Variants in NHSL2 observed in about 807,000 individuals in gnomAD.
NHSL2 encodes NHS like 2.
NHSL2 carries 27 observed loss-of-function variants against 53.4 expected under a neutral mutation model. The observed-to-expected ratio is 0.51, with a 90% confidence interval of 0.37 to 0.70. The LOEUF (loss-of-function observed/expected upper bound fraction) is 0.70. NHSL2 is among the 30% of genes least tolerant of loss of function. The pLI is 0.00. For synonymous variants in NHSL2, 408 were observed against 404.1 expected (o/e 1.01, Z -0.12); for missense variants, 892 against 980.1 (o/e 0.91, Z 1.20).
At chrX:72,020,185 G>A (rs754883037) in intron 1 of NHSL2, among the ~76,000 whole-genome samples, 3 of 112,574 alleles carry the variant, frequency 2.7e-5, no homozygotes, top group East Asian at 5.6e-4. Flanking sequence ...AAAACTCTCC[G>A]TAATTTCACT....
chrX:72,143,251 A>G lies in NHSL2; in HGVS notation c.3357-2A>G. The G allele has an allele frequency of 8.7e-7, 1 of 1,145,413 alleles. No homozygotes were observed. The highest frequency in any genetic ancestry group is 1.2e-6 in the Non-Finnish European group (1 of 860,610). 94.4% of individuals were successfully genotyped at this position (1,145,413 alleles called of 1,213,427 possible). A position where few individuals can be genotyped will look rare whatever the true frequency, so the allele number is the denominator to read the frequency against. ...ACTCAGACCAAACTTTCTCTTATCT[A>G]GGTCCAAAAGGAAGCTGCTCGGCTG... On this transcript the variant is annotated splice_acceptor_variant, in intron 7 of 7. Coordinates refer to ENST00000633930, the MANE Select transcript of NHSL2 (RefSeq NM_001013627.3). LOFTEE classifies it high-confidence loss of function.
chrX:72,073,907 G>A (rs2041720416), intron 1 of NHSL2, among the ~76,000 whole-genome samples: 1 of 112,557 alleles, frequency 8.9e-6, no homozygotes, highest in Admixed American at 9.4e-5. Flanking sequence ...GGGCTGCAAT[G>A]CCCAGCCTTG....
chrX:71,919,855 C>A (rs960350153), intron 1 of NHSL2, among the ~76,000 whole-genome samples: 5 of 112,623 alleles, frequency 4.4e-5, no homozygotes, highest in Non-Finnish European at 9.4e-5. Context: ...AGGATGGATG[C>A]AAGCCGCATA....
chrX:72,068,336 C>T (rs1262791352), intron 1 of NHSL2, among the ~76,000 whole-genome samples: 3 of 112,475 alleles, frequency 2.7e-5, no homozygotes, highest in Non-Finnish European at 5.6e-5. Context: ...TGGCACAGTG[C>T]CCCAAGTCTT....
intron 1 of NHSL2, among the ~76,000 whole-genome samples, chrX:72,003,614 T>C (rs2042081376): frequency 8.9e-6 from 1 of 111,860 alleles, no homozygotes; most frequent in Non-Finnish European, 1.9e-5. Context: ...TGATGTTGCG[T>C]GGGGCCTGGC....
chrX:71,917,083 A>G (rs1602257552), intron 1 of NHSL2, among the ~76,000 whole-genome samples: 2 of 112,366 alleles, frequency 1.8e-5, no homozygotes, highest in African/African-American at 6.5e-5. Context: ...CAATCTTAAC[A>G]GTCAAGACTA....
chrX:72,019,595 G>A (rs1198257088), intron 1 of NHSL2, among the ~76,000 whole-genome samples: 1 of 112,050 alleles, frequency 8.9e-6, no homozygotes, highest in Non-Finnish European at 1.9e-5. Flanking sequence ...TGTTCTGTGA[G>A]CACAGCAGAG....
At position 72,143,809 on chromosome X, in the gene NHSL2, G is replaced by A. The variant is rs942589845; in HGVS notation, c.*235G>A. On this transcript the variant is annotated 3_prime_UTR_variant, in exon 8 of 8. Coordinates refer to ENST00000633930, the MANE Select transcript of NHSL2 (RefSeq NM_001013627.3). ...TATAAGCTTGTCATGACTGACTACC[G>A]AGTTTCTTCTTATTTTCCCCCAGTG... The A allele has an allele frequency of 1.1e-5, 3 of 278,284 alleles. No individual in the cohort carries two copies. Among genetic ancestry groups the A allele is most frequent in the Non-Finnish European group, 1.9e-5 (3 of 159,189 alleles). 22.9% of individuals were successfully genotyped at this position (278,284 alleles called of 1,213,427 possible). A position where few individuals can be genotyped will look rare whatever the true frequency, so the allele number is the denominator to read the frequency against.
At chrX:72,071,134 G>A (rs964373265) in intron 1 of NHSL2, among the ~76,000 whole-genome samples, 8 of 111,263 alleles carry the variant, frequency 7.2e-5, no homozygotes, top group African/African-American at 2.6e-4. Flanking sequence ...TCTGGAGCCC[G>A]CCTGTCAGAG....
chrX:72,037,436 A>T (rs970120185), intron 1 of NHSL2, among the ~76,000 whole-genome samples: 13 of 110,976 alleles, frequency 1.2e-4, no homozygotes, highest in Non-Finnish European at 2.3e-4. Flanking sequence ...AAAAAAAGAA[A>T]AAAAAACATG....
chrX:72,147,059 G>A lies in NHSL2; in HGVS notation c.*3485G>A, dbSNP rs924863354. The A allele has an allele frequency of 1.8e-5, 2 of 112,436 alleles. No individual in the cohort carries two copies. The highest frequency in any genetic ancestry group is 3.8e-5 in the Non-Finnish European group (2 of 53,300). 9.3% of individuals were successfully genotyped at this position (112,436 alleles called of 1,213,427 possible). A position where few individuals can be genotyped will look rare whatever the true frequency, so the allele number is the denominator to read the frequency against. On this transcript the variant is annotated 3_prime_UTR_variant, in exon 8 of 8. Transcript: ENST00000633930. ...TAACAAGCACTGCACCTGACATCCA[G>A]TGTAACTATCTGGACAACACAGACC...
chrX:71,996,938 C>T (rs930516037), intron 1 of NHSL2, among the ~76,000 whole-genome samples: 14 of 112,548 alleles, frequency 1.2e-4, no homozygotes, highest in African/African-American at 3.9e-4. Context: ...TCTTGCCCTG[C>T]CAGGAATGTG....
chrX:72,072,376 G>A (rs1190145342), intron 1 of NHSL2, among the ~76,000 whole-genome samples: 1 of 111,997 alleles, frequency 8.9e-6, no homozygotes, highest in Non-Finnish European at 1.9e-5. Context: ...ACCAATGCCT[G>A]AGGCTTGAGA....
chrX:71,921,990 G>T (rs1044723205), intron 1 of NHSL2, among the ~76,000 whole-genome samples: 4 of 112,339 alleles, frequency 3.6e-5, no homozygotes, highest in Non-Finnish European at 7.5e-5. Flanking sequence ...GTAAAGGATT[G>T]TGTGTTCAAA....
At chrX:71,938,926 G>T (rs747654968) in intron 1 of NHSL2, among the ~76,000 whole-genome samples, 1 of 112,765 alleles carries the variant, frequency 8.9e-6, no homozygotes, top group African/African-American at 3.2e-5. Context: ...CGTAAGGTGC[G>T]GAGATGAGCA....
chrX:72,082,568 C>A (rs1569478466), intron 1 of NHSL2, among the ~76,000 whole-genome samples: 1 of 111,907 alleles, frequency 8.9e-6, no homozygotes, highest in Non-Finnish European at 1.9e-5. Flanking sequence ...AAATGACTTA[C>A]CTTAAGTCAT....
rs976830125 is a variant in NHSL2, at chrX:71,990,699, A to G, written c.280+79332A>G. Among the ~76,000 whole-genome samples the G allele has an allele frequency of 2.7e-5, 3 of 111,545 alleles. No homozygotes were observed. The Admixed American group carries it at 2.8e-4, about 11-fold the overall frequency. On this transcript the variant is annotated intron_variant, in intron 1 of 7. Transcript: ENST00000633930. ...CACAACACTGGCCTGGCCCCAATCC[A>G]TCTTGTCAACACTGCTAGATGAATC...
In NHSL2 at chrX:71,911,373, A is replaced by G; in HGVS notation, c.280+6A>G. ...GGAGGACGAGGAAGAGCTAGGTAAA[A>G]ACGGCGCCCCGGTGGCTCGCGGCCC... is the stretch of plus-strand genomic sequence containing the variant. On this transcript the variant is annotated splice_donor_region_variant and intron_variant, in intron 1 of 7. Coordinates refer to ENST00000633930, the MANE Select transcript of NHSL2 (RefSeq NM_001013627.3). 9.5e-7 allele frequency: 1 copy of G among 1,056,818 alleles called. No individual in the cohort carries two copies. Among genetic ancestry groups the G allele is most frequent in the Non-Finnish European group, 1.2e-6 (1 of 820,543 alleles). The allele number at this position is 1,056,818 out of a possible 1,213,427, so 87.1% of individuals were successfully genotyped here.
chrX:71,966,419 G>A (rs2041901243), intron 1 of NHSL2, among the ~76,000 whole-genome samples: 2 of 112,097 alleles, frequency 1.8e-5, no homozygotes, highest in South Asian at 3.7e-4. Context: ...TATGATGTTA[G>A]CCATAGGTTT....
Sources: gnomAD v4.1 joint callset for allele counts (sites outside exome capture counted in the v4.1 genomes callset) on GRCh38, gnomAD v4.1.1 for gene constraint, MANE v1.5 for transcripts, NCBI Gene and HGNC (gene_info 2026-07-23, HGNC 2026-07-21) for gene names.